The following AKAP13 variants were observed in gnomAD, a reference collection of about 807,000 sequenced individuals.
AKAP13 encodes A-kinase anchoring protein 13.
A neutral mutation model predicts 264.5 loss-of-function variants in AKAP13; 80 were observed. That is an observed-to-expected ratio of 0.30 (90% CI 0.25 to 0.36). The LOEUF (loss-of-function observed/expected upper bound fraction) is 0.36, where lower values mean the gene tolerates loss of function less well. Among genes scored for constraint, AKAP13 ranks in the 10% least tolerant of loss-of-function variants. The pLI is 1.00. For missense variants in AKAP13, 3,712 were observed against 3,435.2 expected (o/e 1.08, Z -2.01); for synonymous variants, 1,380 against 1,250.2 (o/e 1.10, Z -2.19).
At chr15:85,403,103 A>G (rs771666180) in intron 1 of AKAP13, among the ~76,000 whole-genome samples, 2 of 152,244 alleles carry the variant, frequency 1.3e-5, no homozygotes, top group Non-Finnish European at 2.9e-5. Flanking sequence ...GTCCTCATAA[A>G]TAAGGAAAAA....
intron 1 of AKAP13, among the ~76,000 whole-genome samples, chr15:85,396,002 A>T (rs1008634748): frequency 4.9e-5 from 7 of 142,954 alleles, no homozygotes; most frequent in African/African-American, 7.8e-5. Context: ...GGATGAATGA[A>T]TTTTTGACTA....
chr15:85,555,537 T>A (rs2078112551), intron 5 of AKAP13: 1 of 1,176,928 alleles, frequency 8.5e-7, no homozygotes, highest in Non-Finnish European at 1.1e-6. Context: ...CTTCATTGTT[T>A]ATTCTCTGAC....
intron 2 of AKAP13, among the ~76,000 whole-genome samples, chr15:85,503,740 A>G (rs767804002): frequency 1.3e-5 from 2 of 152,224 alleles, no homozygotes; most frequent in Non-Finnish European, 2.9e-5. Context: ...TTAGAAAAGA[A>G]AGGCATTGTA....
intron 2 of AKAP13, among the ~76,000 whole-genome samples, chr15:85,498,199 G>GATATATATATATATATATATATAT (rs59420326): frequency 5.6e-4 from 74 of 133,048 alleles, no homozygotes; most frequent in African/African-American, 2.0e-3. Flanking sequence ...AATGAAGTGA[G>GATATATATATATATATATATATAT]ATATATATAT....
At chr15:85,384,641 C>T (rs1177101326) in intron 1 of AKAP13, among the ~76,000 whole-genome samples, 5 of 150,156 alleles carry the variant, frequency 3.3e-5, no homozygotes, top group South Asian at 4.2e-4. Flanking sequence ...CGCTTGAACC[C>T]GGGAGGTGGA....
chr15:85,406,496 A>G (rs980129962), intron 1 of AKAP13, among the ~76,000 whole-genome samples: 3 of 150,114 alleles, frequency 2.0e-5, no homozygotes, highest in East Asian at 3.9e-4. Context: ...TGCTGGACAC[A>G]TATGTGTCCA....
At chr15:85,572,025 T>C (rs769971793) in intron 5 of AKAP13, among the ~76,000 whole-genome samples, 9 of 152,156 alleles carry the variant, frequency 5.9e-5, no homozygotes, top group Non-Finnish European at 1.0e-4. Context: ...AAGTAGGCTG[T>C]GGTTAGAGAA....
Position 85,473,033 on chromosome 15 carries a change from C to T in AKAP13, c.-11-12677C>T, listed in dbSNP as rs2075016182. 2.0e-5 allele frequency among the ~76,000 whole-genome samples: 3 copies of T among 152,242 alleles called. No individual in the cohort carries two copies. In the East Asian group the frequency reaches 5.8e-4, roughly 29 times the overall value. On this transcript the variant is annotated intron_variant, in intron 1 of 36. Coordinates refer to ENST00000394518, the MANE Select transcript of AKAP13 (RefSeq NM_007200.5). ...CTACACTTCAAAAATTCAAAAAATA[C>T]ACATAGGTGTTTCATAAAATCACTG...
chr15:85,614,101 T>G (rs888055424), intron 8 of AKAP13, among the ~76,000 whole-genome samples: 2 of 152,182 alleles, frequency 1.3e-5, no homozygotes, highest in Admixed American at 6.5e-5. Flanking sequence ...CAATTTGATC[T>G]TAGTTATCCC....
chr15:85,561,454 T>A (rs1361374012), intron 5 of AKAP13, among the ~76,000 whole-genome samples: 1 of 152,252 alleles, frequency 6.6e-6, no homozygotes, highest in Non-Finnish European at 1.5e-5. Flanking sequence ...ACATTGCATC[T>A]GAAAATTGAT....
chr15:85,652,896 G>A (rs548925982), intron 10 of AKAP13, among the ~76,000 whole-genome samples: 2 of 152,198 alleles, frequency 1.3e-5, no homozygotes, highest in South Asian at 2.1e-4. Context: ...GGGATCTGGG[G>A]ACATTTTGGA....
At chr15:85,686,159 G>A (rs922039972) in intron 16 of AKAP13, among the ~76,000 whole-genome samples, 1 of 135,082 alleles carries the variant, frequency 7.4e-6, no homozygotes, top group African/African-American at 2.9e-5. Context: ...GTGTGTGTGT[G>A]TGTGTGTATG....
rs186091653 is a variant in AKAP13 at position 85,579,735 on chromosome 15, G to C, written c.1667G>C (p.Ser556Thr). ...NKPAESSLAF[S>T]NEETSTEKTA... is the part of the protein sequence containing the mutation. Reference sequence around the variant, plus strand: ...CCTGCTGAGTCTTCACTTGCATTTAGTAATGAAGAAACCTCCACTGAAAAA... The same window carrying C: ...CCTGCTGAGTCTTCACTTGCATTTACTAATGAAGAAACCTCCACTGAAAAA... The change falls in exon 7 of 37, where the codon AGT (serine) becomes ACT (threonine). Residue 556 changes from serine (S) to threonine (T), a missense_variant. Ser to Thr is a moderately conservative substitution (Grantham distance 58, BLOSUM62 1). This residue lies in a region of AKAP13 where 2,759 missense variants were observed against 2,411.7 expected (regional missense o/e 1.14). Transcript: ENST00000394518. The C allele has an allele frequency of 6.2e-7, 1 of 1,614,198 alleles. No individual in the cohort carries two copies. The highest frequency in any genetic ancestry group is 1.1e-5 in the South Asian group (1 of 91,080).
intron 2 of AKAP13, among the ~76,000 whole-genome samples, chr15:85,486,722 A>G (rs989067937): frequency 7.6e-6 from 1 of 132,154 alleles, no homozygotes; most frequent in Non-Finnish European, 1.6e-5. Context: ...TAATTTTGTT[A>G]TCTTAATTGT....
intron 1 of AKAP13, among the ~76,000 whole-genome samples, chr15:85,474,086 A>G (rs1197132414): frequency 6.6e-6 from 1 of 152,238 alleles, no homozygotes; most frequent in East Asian, 1.9e-4. Flanking sequence ...GGTGACTTAC[A>G]TAGGATGAAA....
chr15:85,707,768 G>T (rs537370156), intron 17 of AKAP13, among the ~76,000 whole-genome samples: 1 of 151,490 alleles, frequency 6.6e-6, no homozygotes, highest in African/African-American at 2.4e-5. Context: ...GCTGTAATCT[G>T]TCTCCTGGTC....
chr15:85,608,226 G>C (rs550624158), intron 8 of AKAP13, among the ~76,000 whole-genome samples: 7 of 152,258 alleles, frequency 4.6e-5, no homozygotes, highest in Non-Finnish European at 7.4e-5. Context: ...TCCTTGGGTT[G>C]TGGTTATTTT....
intron 12 of AKAP13, among the ~76,000 whole-genome samples, chr15:85,660,666 T>C (rs118075322): frequency 6.6e-6 from 1 of 152,330 alleles, no homozygotes; most frequent in Non-Finnish European, 1.5e-5. Flanking sequence ...TTCTGAGTCT[T>C]ATCTGTGTTT....
chr15:85,658,171 G>A (rs569052092), intron 11 of AKAP13, among the ~76,000 whole-genome samples: 1 of 152,242 alleles, frequency 6.6e-6, no homozygotes, highest in African/African-American at 2.4e-5. Flanking sequence ...GTTTTAATTA[G>A]TTTGGCTAAT....
Sources: allele counts gnomAD v4.1 joint callset (sites outside exome capture counted in the v4.1 genomes callset), GRCh38; gene constraint gnomAD v4.1.1; regional missense constraint gnomAD v4.1.1; transcripts MANE v1.5; gene names NCBI Gene and HGNC (gene_info 2026-07-23, HGNC 2026-07-21).